The following ZMYND11 variants were observed in gnomAD, a reference collection of about 807,000 sequenced individuals.
ZMYND11 encodes zinc finger MYND domain-containing protein 11.
Under a neutral mutation model 84.9 loss-of-function variants are expected in ZMYND11, and 9 were observed. The ratio of observed to expected loss-of-function variants is 0.11; its 90% CI spans 0.06 to 0.18. The LOEUF (loss-of-function observed/expected upper bound fraction) is 0.18, where lower values mean the gene tolerates loss of function less well. ZMYND11 is among the 10% of genes least tolerant of loss of function. The pLI is 1.00. For missense variants in ZMYND11, 409 were observed against 761.0 expected, an observed-to-expected ratio of 0.54 and a Z score of 5.44; for synonymous variants, 250 against 244.1, an observed-to-expected ratio of 1.02 and a Z score of -0.23.
At chr10:207,012 C>T (rs1944313224) in intron 2 of ZMYND11, among the ~76,000 whole-genome samples, 1 of 152,048 alleles carries the variant, frequency 6.6e-6, no homozygotes, top group East Asian at 1.9e-4. Context: ...CAACAGTCCC[C>T]AGAGTGTGAT....
chr10:230,495 A>C (rs866369674), intron 4 of ZMYND11, among the ~76,000 whole-genome samples: 281 of 150,298 alleles, frequency 1.9e-3, no homozygotes, highest in African/African-American at 6.1e-3. Context: ...AAAAAAAAAA[A>C]AAAAAACTAC....
At chr10:180,164 G>A (rs753903565) in intron 2 of ZMYND11, 36 bp downstream of exon 2, 17 of 1,561,646 alleles carry the variant, frequency 1.1e-5, no homozygotes, top group Admixed American at 1.8e-5. Context: ...TCTGTAAAAT[G>A]TCGTAGAAGA....
intron 4 of ZMYND11, among the ~76,000 whole-genome samples, chr10:231,793 G>A (rs1949052043): frequency 6.6e-6 from 1 of 152,176 alleles, no homozygotes; most frequent in African/African-American, 2.4e-5. Flanking sequence ...CTTAAAGGAG[G>A]CAGCCCCAAC....
At chr10:130,908 A>T (rs1554749855), upstream of ZMYND11, among the ~76,000 whole-genome samples, 1 of 152,108 alleles carries the variant, frequency 6.6e-6, no homozygotes, top group Non-Finnish European at 1.5e-5. Flanking sequence ...ACTTGAGCTC[A>T]GGAGTTCGAG....
rs1056017432 is a variant in ZMYND11 at position 253,241 on chromosome 10, CAACAAA to C, written c.*778_*783del. 13 of 152,658 alleles carry C rather than the reference CAACAAA, an allele frequency of 8.5e-5. No individual in the cohort carries two copies. The East Asian group carries it at 2.5e-3, about 29-fold the overall frequency. 9.5% of individuals were successfully genotyped at this position (152,658 alleles called of 1,614,324 possible). A position where few individuals can be genotyped will look rare whatever the true frequency, so the allele number is the denominator to read the frequency against. The stretch of plus-strand genomic sequence containing the variant: ...ACATGAGTGCTTGTAACAAAATAAA[CAACAAA>C]AACAAAGCCAAAAACTACCTTTATC... On this transcript the variant is annotated 3_prime_UTR_variant, in exon 15 of 15. Coordinates refer to ENST00000381604, the MANE Select transcript of ZMYND11 (RefSeq NM_001370100.5).
intron 2 of ZMYND11, among the ~76,000 whole-genome samples, chr10:187,729 A>C (rs955013121): frequency 6.6e-6 from 1 of 152,184 alleles, no homozygotes; most frequent in Non-Finnish European, 1.5e-5. Context: ...TGAAATCAAA[A>C]TATGTATATG....
chr10:149,692 TG>T (rs1216918872), intron 1 of ZMYND11, among the ~76,000 whole-genome samples: 20 of 152,330 alleles, frequency 1.3e-4, no homozygotes, highest in African/African-American at 4.3e-4. Flanking sequence ...TTAGTATAAA[TG>T]GGCACTAATT....
At chr10:181,535 C>G (rs1300402754) in intron 2 of ZMYND11, among the ~76,000 whole-genome samples, 1 of 152,188 alleles carries the variant, frequency 6.6e-6, no homozygotes, top group Non-Finnish European at 1.5e-5. Context: ...GGGAGAATCA[C>G]TTGAGCCTGG....
At position 139,774 on chromosome 10, in the gene ZMYND11, C is replaced by T. The variant is rs575560371; in HGVS notation, c.-20+4215C>T. ...TTGCCCAGGCTGGAGTGCAGTGGTGCCATCTTGGCTCACTACAACCTCCAC... is the reference window on the plus strand; with the variant it reads ...TTGCCCAGGCTGGAGTGCAGTGGTGTCATCTTGGCTCACTACAACCTCCAC... On this transcript the variant is annotated intron_variant, in intron 1 of 14. Transcript: ENST00000381604. Among the ~76,000 whole-genome samples, 8 of 133,250 alleles carry T rather than the reference C, an allele frequency of 6.0e-5. No homozygotes were observed. The Admixed American group carries it at 7.2e-4, about 12-fold the overall frequency. The allele number at this position is 133,250 out of a possible 152,430, so 87.4% of individuals were successfully genotyped here. A position where few individuals can be genotyped will look rare whatever the true frequency, so the allele number is the denominator to read the frequency against.
At position 179,972 on chromosome 10, in the gene ZMYND11, A is replaced by G. The variant is rs776564464; in HGVS notation, c.-19-22A>G. 14 of 1,437,196 alleles carry G rather than the reference A, an allele frequency of 9.7e-6. No individual in the cohort carries two copies. In the Admixed American group the frequency reaches 1.1e-4, roughly 11 times the overall value. The allele number at this position is 1,437,196 out of a possible 1,614,324, so 89.0% of individuals were successfully genotyped here. ...ATTTTGTAATCTGTTTTTTTCCCTT[A>G]TGTTTTTGTTTATTACTGCAGCTAA... On this transcript the variant is annotated intron_variant, in intron 1 of 14. Coordinates refer to ENST00000381604, the MANE Select transcript of ZMYND11 (RefSeq NM_001370100.5).
At chr10:194,175 A>G (rs1221975115) in intron 2 of ZMYND11, among the ~76,000 whole-genome samples, 2 of 140,186 alleles carry the variant, frequency 1.4e-5, no homozygotes, top group African/African-American at 5.4e-5. Flanking sequence ...TTTTTGGTAG[A>G]GTCGGGGTTT....
At chr10:186,213 G>T (rs1235280882) in intron 2 of ZMYND11, among the ~76,000 whole-genome samples, 1 of 151,646 alleles carries the variant, frequency 6.6e-6, no homozygotes, top group African/African-American at 2.4e-5. Context: ...GGGTTTCACT[G>T]TGTTAGCCGG....
chr10:239,424 T>C lies in ZMYND11; in HGVS notation c.610-14T>C. ...GGTAACTCTTTTCGTCATTCTGTTT[T>C]TTGCCCTCTGCAGAAAGTGAATGAA... On this transcript the variant is annotated splice_polypyrimidine_tract_variant and intron_variant, in intron 6 of 14. Coordinates refer to ENST00000381604, the MANE Select transcript of ZMYND11 (RefSeq NM_001370100.5). 1 of 1,607,606 alleles carries C rather than the reference T, an allele frequency of 6.2e-7. No individual in the cohort carries two copies.
intron 4 of ZMYND11, among the ~76,000 whole-genome samples, chr10:234,759 C>G (rs916606004): frequency 2.6e-5 from 4 of 152,278 alleles, no homozygotes; most frequent in African/African-American, 9.6e-5. Flanking sequence ...CTCCAGCCTT[C>G]TTACGTTTTC....
At chr10:248,060 T>G (rs1476176480) in intron 12 of ZMYND11, among the ~76,000 whole-genome samples, 1 of 152,220 alleles carries the variant, frequency 6.6e-6, no homozygotes, top group Non-Finnish European at 1.5e-5. Context: ...ACAAAACTTA[T>G]AGTATTGATA....
intron 4 of ZMYND11, among the ~76,000 whole-genome samples, chr10:223,626 C>T (rs566430403): frequency 3.8e-4 from 58 of 152,216 alleles, no homozygotes; most frequent in Admixed American, 9.8e-4. Context: ...TTATCTTGAG[C>T]TTTAAATTTT....
rs74654857 is a variant in ZMYND11, at chr10:241,780, G to A, written c.832-241G>A. On this transcript the variant is annotated intron_variant, in intron 9 of 14. Coordinates refer to ENST00000381604, the MANE Select transcript of ZMYND11 (RefSeq NM_001370100.5). ...CAAGCGGGTGCTCTTGTTTGCCACC[G>A]TCATACATGTGGATGGCCTTGCTCC... Among the ~76,000 whole-genome samples the A allele has an allele frequency of 9.2e-3, 1,396 of 152,178 alleles. 16 individuals are homozygous for A. The highest frequency in any genetic ancestry group is 0.032 in the African/African-American group (1,322 of 41,530).
intron 10 of ZMYND11, among the ~76,000 whole-genome samples, chr10:245,493 G>GA (rs1263271855): frequency 2.6e-5 from 4 of 152,114 alleles, no homozygotes; most frequent in Non-Finnish European, 5.9e-5. Context: ...CTTATAGCAG[G>GA]AAAAAATCTT....
intron 1 of ZMYND11, among the ~76,000 whole-genome samples, chr10:143,240 C>G (rs1216077935): frequency 6.6e-6 from 1 of 152,112 alleles, no homozygotes; most frequent in Admixed American, 6.5e-5. Context: ...GTTGTAGCAC[C>G]CACAGATTGA....
Sources: allele counts gnomAD v4.1 joint callset (sites outside exome capture counted in the v4.1 genomes callset), GRCh38; gene constraint gnomAD v4.1.1; transcripts MANE v1.5; gene names NCBI Gene and HGNC (gene_info 2026-07-23, HGNC 2026-07-21).